Variants in BBS7 observed in about 807,000 individuals in gnomAD.
BBS7 encodes the protein Bardet-Biedl syndrome 7, also known as BBSome complex member BBS7.
Under a neutral mutation model 90.3 loss-of-function variants are expected in BBS7, and 50 were observed. That is an observed-to-expected ratio of 0.55 (90% CI 0.44 to 0.70). The LOEUF (loss-of-function observed/expected upper bound fraction) is 0.70, where lower values mean the gene tolerates loss of function less well. Among genes scored for constraint, BBS7 ranks in the 30% least tolerant of loss-of-function variants. The pLI, the probability that BBS7 is intolerant of heterozygous loss-of-function variation, is 0.00. For missense variants in BBS7, 729 were observed against 838.9 expected (o/e 0.87, Z 1.62); for synonymous variants, 235 against 287.4 (o/e 0.82, Z 1.85).
intron 8 of BBS7, among the ~76,000 whole-genome samples, chr4:121,851,739 C>A (rs1359213270): frequency 6.6e-6 from 1 of 152,196 alleles, no homozygotes; most frequent in Non-Finnish European, 1.5e-5. Context: ...CAGACTGTGT[C>A]AGACAGTACG....
intron 3 of BBS7, among the ~76,000 whole-genome samples, chr4:121,863,007 AACCCACG>A (rs1286463715): frequency 6.6e-6 from 1 of 152,218 alleles, no homozygotes; most frequent in African/African-American, 2.4e-5. Context: ...ATAGAAAAGT[AACCCACG>A]ACCACAGGAT....
In BBS7 at chr4:121,859,192, A is replaced by C. The variant is rs1365923758; in HGVS notation, c.342-14T>G. 2 of 1,611,464 alleles carry C rather than the reference A, an allele frequency of 1.2e-6. No individual in the cohort carries two copies. The highest frequency in any genetic ancestry group is 1.7e-6 in the Non-Finnish European group (2 of 1,177,808). On this transcript the variant is annotated splice_polypyrimidine_tract_variant and intron_variant, in intron 4 of 18. Coordinates refer to ENST00000264499, the MANE Select transcript of BBS7 (RefSeq NM_176824.3). ...CCAGATATGTGCCTGAGAACATTAA[A>C]ATAGTAATTTTTAAAAATAAGCACA...
chr4:121,854,614 G>C, intron 7 of BBS7, 90 bp downstream of exon 7: 2 of 1,287,640 alleles, frequency 1.6e-6, no homozygotes, highest in East Asian at 2.8e-5. Flanking sequence ...CTGCTATGTA[G>C]TATAAATAGA....
chr4:121,835,799 T>C (rs1725423708), intron 13 of BBS7, among the ~76,000 whole-genome samples: 1 of 152,170 alleles, frequency 6.6e-6, no homozygotes, highest in Admixed American at 6.6e-5. Flanking sequence ...AACAATTTTA[T>C]ATGAAAAATT....
At chr4:121,849,734 G>C (rs560628096) in intron 8 of BBS7, among the ~76,000 whole-genome samples, 6 of 152,268 alleles carry the variant, frequency 3.9e-5, no homozygotes, top group African/African-American at 1.4e-4. Context: ...GGAGACTGAG[G>C]CAAGAGAATC....
chr4:121,834,466 G>A (rs1725348093), intron 14 of BBS7, among the ~76,000 whole-genome samples: 1 of 152,138 alleles, frequency 6.6e-6, no homozygotes, highest in Admixed American at 6.5e-5. Context: ...GCAATATAAA[G>A]AATATGGGTT....
At chr4:121,830,101 T>C (rs1725107277) in intron 15 of BBS7, among the ~76,000 whole-genome samples, 1 of 152,266 alleles carries the variant, frequency 6.6e-6, no homozygotes, top group Non-Finnish European at 1.5e-5. Flanking sequence ...ACTAGCTATA[T>C]GCAAATGATA....
At chr4:121,847,772 T>C (rs533494764) in intron 9 of BBS7, among the ~76,000 whole-genome samples, 11 of 152,236 alleles carry the variant, frequency 7.2e-5, no homozygotes, top group African/African-American at 2.2e-4. Flanking sequence ...AATCTTTTAC[T>C]TAACAGATTT....
At chr4:121,828,763 G>A (rs1253998300) in intron 15 of BBS7, 35 bp from the exon 16 acceptor site, 8 of 1,259,538 alleles carry the variant, frequency 6.4e-6, no homozygotes, top group Non-Finnish European at 7.8e-6. Flanking sequence ...AAGAATAGCT[G>A]TAGAAGGAAA....
At chr4:121,843,146 A>C (rs1725828517) in intron 12 of BBS7, among the ~76,000 whole-genome samples, 1 of 152,126 alleles carries the variant, frequency 6.6e-6, no homozygotes, top group Admixed American at 6.5e-5. Context: ...GGTGAGAGAG[A>C]AGTTAGAGAT....
At chr4:121,843,145 G>C (rs887018854) in intron 12 of BBS7, among the ~76,000 whole-genome samples, 2 of 152,118 alleles carry the variant, frequency 1.3e-5, no homozygotes, top group African/African-American at 4.8e-5. Context: ...CGGTGAGAGA[G>C]AAGTTAGAGA....
chr4:121,858,386 G>A (rs1726796359), intron 5 of BBS7, among the ~76,000 whole-genome samples: 1 of 152,066 alleles, frequency 6.6e-6, no homozygotes, highest in Non-Finnish European at 1.5e-5. Flanking sequence ...GTGTGTGTGT[G>A]TGTGCATATA....
intron 6 of BBS7, 76 bp downstream of exon 6, chr4:121,855,413 G>A: frequency 7.6e-7 from 1 of 1,321,794 alleles, no homozygotes; most frequent in African/African-American, 1.4e-5. Flanking sequence ...TCTAGTTTAT[G>A]TCCTTTCTAC....
chr4:121,830,847 T>C (rs1353194014), intron 15 of BBS7, among the ~76,000 whole-genome samples: 1 of 152,204 alleles, frequency 6.6e-6, no homozygotes, highest in Non-Finnish European at 1.5e-5. Context: ...GCAGGCTACA[T>C]ACAAAGATAT....
At chr4:121,854,682 C>G in intron 7 of BBS7, 22 bp downstream of exon 7, 1 of 1,606,378 alleles carries the variant, frequency 6.2e-7, no homozygotes, top group East Asian at 2.2e-5. Context: ...ACCTCAGAAT[C>G]TGAACTACAT....
At chr4:121,857,379 A>C (rs1323462283) in intron 5 of BBS7, among the ~76,000 whole-genome samples, 1 of 152,164 alleles carries the variant, frequency 6.6e-6, no homozygotes, top group African/African-American at 2.4e-5. Flanking sequence ...TCGGCCTCCC[A>C]AAGTGCTGGG....
intron 1 of BBS7, 129 bp downstream of exon 1, chr4:121,870,149 G>T: frequency 8.5e-7 from 1 of 1,176,488 alleles, no homozygotes; most frequent in Non-Finnish European, 1.3e-6. Context: ...TGAGAGGTCG[G>T]CACCCAGCCC....
In BBS7 at chr4:121,828,462, G is replaced by T; in HGVS notation, c.1830C>A (p.His610Gln). ...AAAGCAACTGGTACTCCAGCTTTGG[G>T]TGGATTAGCTTTAAAGTGTGTTTGA... The part of the protein sequence containing the change: ...VSVKHTLKLI[H>Q]PKLEYQLLLA... Residue 610 changes from histidine (H) to glutamine (Q), a missense_variant, in exon 17 of 19, where the codon CAC (histidine) becomes CAA (glutamine). Physicochemically the swap from His to Gln is conservative, Grantham distance 24. Transcript: ENST00000264499. The T allele has an allele frequency of 6.2e-7, 1 of 1,613,920 alleles. No homozygotes were observed. Among genetic ancestry groups the T allele is most frequent in the Non-Finnish European group, 8.5e-7 (1 of 1,179,906 alleles).
rs1231245931 is a variant in BBS7, at chr4:121,859,287, T to C, written c.342-109A>G. The stretch of plus-strand genomic sequence containing the variant: ...GTTTACTAACATTTTATTATAGACT[T>C]AGAGAACACAGTTTTTAAAACTTTC... On this transcript the variant is annotated intron_variant, in intron 4 of 18. Coordinates refer to ENST00000264499, the MANE Select transcript of BBS7 (RefSeq NM_176824.3). 3.1e-6 allele frequency: 3 copies of C among 970,582 alleles called. No individual in the cohort carries two copies. The African/African-American group carries it at 5.0e-5, about 16-fold the overall frequency. 60.1% of individuals were successfully genotyped at this position (970,582 alleles called of 1,614,324 possible).
Sources: gnomAD v4.1 joint callset for allele counts (sites outside exome capture counted in the v4.1 genomes callset) on GRCh38, gnomAD v4.1.1 for gene constraint, MANE v1.5 for transcripts, NCBI Gene and HGNC (gene_info 2026-07-23, HGNC 2026-07-21) for gene names.